The following IDH3A variants were observed in gnomAD, a reference collection of about 807,000 sequenced individuals.
The protein encoded by IDH3A is isocitrate dehydrogenase [NAD] subunit alpha, mitochondrial.
IDH3A carries 23 observed loss-of-function variants against 43.3 expected under a neutral mutation model. The ratio of observed to expected loss-of-function variants is 0.53; its 90% CI spans 0.38 to 0.75. IDH3A has a LOEUF of 0.75. IDH3A is among the 30% of genes least tolerant of loss of function. The pLI, the probability that IDH3A is intolerant of heterozygous loss-of-function variation, is 0.00. For synonymous variants in IDH3A, 154 were observed against 163.5 expected, an observed-to-expected ratio of 0.94 and a Z score of 0.44; for missense variants, 329 against 474.4, an observed-to-expected ratio of 0.69 and a Z score of 2.85.
rs2074824989 is a variant in IDH3A at position 78,171,697 on chromosome 15, T to C, written c.*2692T>C. 3.4e-6 allele frequency: 2 copies of C among 584,550 alleles called. No homozygotes were observed. The highest frequency in any genetic ancestry group is 3.1e-6 in the Non-Finnish European group (1 of 325,496). The allele number at this position is 584,550 out of a possible 1,614,324, so 36.2% of individuals were successfully genotyped here. ...ACAGTGATCGCTCCTGGTATTCATA[T>C]GGCTTGTGTGTAGTCTCCTGTGTTA... On this transcript the variant is annotated 3_prime_UTR_variant, in exon 11 of 11. Transcript: ENST00000299518.
chr15:78,167,184 T>C (rs1444799666), intron 10 of IDH3A, among the ~76,000 whole-genome samples: 1 of 152,248 alleles, frequency 6.6e-6, no homozygotes. Context: ...AATTGAATAC[T>C]TATGCAACTT....
chr15:78,157,686 C>A, intron 3 of IDH3A, 55 bp downstream of exon 3: 1 of 1,246,370 alleles, frequency 8.0e-7, no homozygotes, highest in Non-Finnish European at 1.2e-6. Context: ...GTTTTCTTAG[C>A]CAGTTGGATT....
At position 78,166,134 on chromosome 15, in the gene IDH3A, T is replaced by G; in HGVS notation, c.865-16T>G. The stretch of plus-strand genomic sequence containing the variant: ...TTTGTCTCTCCCTTGATGATGCTAC[T>G]TTTCCCGATGTGTAGGTTCATGGGA... On this transcript the variant is annotated splice_polypyrimidine_tract_variant and intron_variant, in intron 9 of 10. Transcript: ENST00000299518. 1 of 1,611,810 alleles carries G rather than the reference T, an allele frequency of 6.2e-7. No individual in the cohort carries two copies. Among genetic ancestry groups the G allele is most frequent in the Non-Finnish European group, 8.5e-7 (1 of 1,177,992 alleles).
In IDH3A at chr15:78,171,293, T is replaced by G; in HGVS notation, c.*2288T>G. The G allele has an allele frequency of 1.8e-6, 1 of 564,520 alleles. No individual in the cohort carries two copies. The highest frequency in any genetic ancestry group is 3.1e-6 in the Non-Finnish European group (1 of 319,302). 35.0% of individuals were successfully genotyped at this position (564,520 alleles called of 1,614,324 possible). ...TGTCAGCTATTGTTGGCGTAAGACC[T>G]GGTAAATGTAGAGCCAGTGCTGTGC... is the stretch of plus-strand genomic sequence containing the variant. On this transcript the variant is annotated 3_prime_UTR_variant, in exon 11 of 11. Coordinates refer to ENST00000299518, the MANE Select transcript of IDH3A (RefSeq NM_005530.3).
Position 78,171,667 on chromosome 15 carries a change from C to G in IDH3A, c.*2662C>G. On this transcript the variant is annotated 3_prime_UTR_variant, in exon 11 of 11. Coordinates refer to ENST00000299518, the MANE Select transcript of IDH3A (RefSeq NM_005530.3). ...AATCAGGACCGTCAGTAGCCAGCCT[C>G]CAAGACAGTGATCGCTCCTGGTATT... 1.5e-6 allele frequency: 1 copy of G among 665,046 alleles called. No homozygotes were observed. The highest frequency in any genetic ancestry group is 2.6e-6 in the Non-Finnish European group (1 of 380,766). 41.2% of individuals were successfully genotyped at this position (665,046 alleles called of 1,614,324 possible). A position where few individuals can be genotyped will look rare whatever the true frequency, so the allele number is the denominator to read the frequency against.
At chr15:78,154,913 G>A in intron 1 of IDH3A, 1 of 237,162 alleles carries the variant, frequency 4.2e-6, no homozygotes. Flanking sequence ...GAATCTGTAT[G>A]TTGAGCTGAA....
At chr15:78,160,786 C>G (rs2074674069) in intron 4 of IDH3A, among the ~76,000 whole-genome samples, 1 of 151,522 alleles carries the variant, frequency 6.6e-6, no homozygotes, top group Non-Finnish European at 1.5e-5. Context: ...GACTTAGCCA[C>G]TGTGCCTGGC....
rs971689360 is a variant in IDH3A at position 78,149,374 on chromosome 15, G to T, written c.-30G>T. ...TGGGCGCTTGCGCACTGCCGCTGCG[G>T]CTGTTGCTGCGGAGCCAGGAGGGGA... On this transcript the variant is annotated 5_prime_UTR_variant, in exon 1 of 11. Transcript: ENST00000299518. The T allele has an allele frequency of 6.5e-7, 1 of 1,530,012 alleles. No individual in the cohort carries two copies. 94.8% of individuals were successfully genotyped at this position (1,530,012 alleles called of 1,614,324 possible).
intron 1 of IDH3A, among the ~76,000 whole-genome samples, chr15:78,150,035 C>T (rs1450410248): frequency 1.3e-5 from 2 of 152,228 alleles, no homozygotes; most frequent in Non-Finnish European, 1.5e-5. Flanking sequence ...AGCTATTTCC[C>T]CTTCATAGGA....
chr15:78,150,378 T>C (rs2074564114), intron 1 of IDH3A, among the ~76,000 whole-genome samples: 1 of 152,216 alleles, frequency 6.6e-6, no homozygotes, highest in African/African-American at 2.4e-5. Flanking sequence ...AAGTCTCCTG[T>C]TGCTATGAAA....
intron 8 of IDH3A, among the ~76,000 whole-genome samples, chr15:78,164,433 A>C (rs2074717512): frequency 6.6e-6 from 1 of 150,978 alleles, no homozygotes; most frequent in Non-Finnish European, 1.5e-5. Flanking sequence ...GCTCACTGCA[A>C]CCTCTACCTC....
intron 2 of IDH3A, 186 bp from the exon 3 acceptor site, chr15:78,157,360 CAG>C (rs1403873439): frequency 3.2e-6 from 2 of 619,040 alleles, no homozygotes; most frequent in Non-Finnish European, 5.3e-6. Flanking sequence ...AGTAGGATTG[CAG>C]AGTCTCTCCT....
At chr15:78,152,659 C>T (rs1026680411) in intron 1 of IDH3A, among the ~76,000 whole-genome samples, 2 of 152,130 alleles carry the variant, frequency 1.3e-5, no homozygotes, top group African/African-American at 2.4e-5. Context: ...CGCATCCGGC[C>T]TCATGTCACT....
At chr15:78,168,675 G>T in intron 10 of IDH3A, 1 of 316,062 alleles carries the variant, frequency 3.2e-6, no homozygotes, top group Non-Finnish European at 5.8e-6. Context: ...AAAGCTCCCT[G>T]CCTCCCTTTG....
chr15:78,158,780 G>T, intron 3 of IDH3A, among the ~76,000 whole-genome samples: 1 of 150,930 alleles, frequency 6.6e-6, no homozygotes, highest in Non-Finnish European at 1.5e-5. Flanking sequence ...ATGTAATATT[G>T]TTTTTTAAAA....
chr15:78,157,156 A>C lies in IDH3A; in HGVS notation c.91-392A>C, dbSNP rs754440281. 792 of 1,108,554 alleles carry C rather than the reference A, an allele frequency of 7.1e-4. 1 individual carries two copies. Among genetic ancestry groups the C allele is most frequent in the Non-Finnish European group, 8.5e-4 (762 of 901,476 alleles). 68.7% of individuals were successfully genotyped at this position (1,108,554 alleles called of 1,614,324 possible). A position where few individuals can be genotyped will look rare whatever the true frequency, so the allele number is the denominator to read the frequency against. The stretch of plus-strand genomic sequence containing the variant: ...ACTTGCCTTCATGAGAAACCGTCTA[A>C]ATTTTAGTGAGAGAACATTGTTAAT... On this transcript the variant is annotated intron_variant, in intron 2 of 10. Transcript: ENST00000299518.
chr15:78,151,962 G>C (rs79343912), intron 1 of IDH3A, among the ~76,000 whole-genome samples: 5,644 of 151,652 alleles, frequency 0.037, 366 homozygotes, highest in African/African-American at 0.13. Flanking sequence ...GATTGGTCAG[G>C]TCTTCTGTCA....
intron 9 of IDH3A, among the ~76,000 whole-genome samples, chr15:78,165,440 C>T (rs1442146899): frequency 6.6e-6 from 1 of 152,112 alleles, no homozygotes; most frequent in Non-Finnish European, 1.5e-5. Flanking sequence ...ATCCATCCGC[C>T]TTGGCCTCCC....
chr15:78,156,534 T>A (rs913214361), intron 2 of IDH3A, among the ~76,000 whole-genome samples: 1 of 152,168 alleles, frequency 6.6e-6, no homozygotes, highest in African/African-American at 2.4e-5. Flanking sequence ...AAATGTTTCT[T>A]CAGTTGTACA....
Sources: gnomAD v4.1 joint callset for allele counts (sites outside exome capture counted in the v4.1 genomes callset) on GRCh38, gnomAD v4.1.1 for gene constraint, MANE v1.5 for transcripts, NCBI Gene and HGNC (gene_info 2026-07-23, HGNC 2026-07-21) for gene names.